CACNA2D3: variants seen among roughly 807,000 people sequenced by gnomAD.
CACNA2D3 encodes the protein voltage-dependent calcium channel subunit alpha-2/delta-3.
Under a neutral mutation model 160.6 loss-of-function variants are expected in CACNA2D3, and 60 were observed. The ratio of observed to expected loss-of-function variants is 0.37; its 90% confidence interval spans 0.30 to 0.46. The LOEUF (loss-of-function observed/expected upper bound fraction) is 0.46. CACNA2D3 is among the 20% of genes least tolerant of loss of function. The pLI is 1.00. For synonymous variants in CACNA2D3, 558 were observed against 492.9 expected, an observed-to-expected ratio of 1.13 and a Z score of -1.75; for missense variants, 1,205 against 1,365.0, an observed-to-expected ratio of 0.88 and a Z score of 1.85.
At chr3:54,397,417 A>G in intron 4 of CACNA2D3, among the ~76,000 whole-genome samples, 1 of 51,054 alleles carries the variant, frequency 2.0e-5, no homozygotes, top group Admixed American at 2.4e-4. Flanking sequence ...TTAGGGTGTC[A>G]ATTTTGGATC....
At chr3:54,862,394 C>CAG (rs1699310262) in intron 17 of CACNA2D3, among the ~76,000 whole-genome samples, 1 of 151,974 alleles carries the variant, frequency 6.6e-6, no homozygotes, top group African/African-American at 2.4e-5. Flanking sequence ...CACACACACA[C>CAG]ACACACACAC....
At chr3:54,327,354 G>A (rs1215148188) in intron 3 of CACNA2D3, among the ~76,000 whole-genome samples, 1 of 152,208 alleles carries the variant, frequency 6.6e-6, no homozygotes, top group African/African-American at 2.4e-5. Flanking sequence ...CAAGCTCTCA[G>A]TTTTCCATCA....
rs1273229771 is a variant in CACNA2D3 at position 54,955,290 on chromosome 3, A to G, written c.2450-13160A>G. On this transcript the variant is annotated intron_variant, in intron 27 of 37. Coordinates refer to ENST00000474759, the MANE Select transcript of CACNA2D3 (RefSeq NM_018398.3). ...AGGGACAAAGGTTGTCTTATTATGC[A>G]GATAATGTCCCGCAGGTAATCTCTT... is the stretch of plus-strand genomic sequence containing the variant. Among the ~76,000 whole-genome samples the G allele has an allele frequency of 4.6e-5, 7 of 152,248 alleles. No individual in the cohort carries two copies. In the South Asian group the frequency reaches 1.5e-3, roughly 32 times the overall value.
chr3:54,690,059 G>T (rs1700545200), intron 11 of CACNA2D3, among the ~76,000 whole-genome samples: 1 of 151,878 alleles, frequency 6.6e-6, no homozygotes, highest in Non-Finnish European at 1.5e-5. Flanking sequence ...TGTATCATCT[G>T]CTTGGGACAT....
At chr3:54,734,607 T>C (rs1477934249) in intron 11 of CACNA2D3, among the ~76,000 whole-genome samples, 1 of 152,182 alleles carries the variant, frequency 6.6e-6, no homozygotes, top group Non-Finnish European at 1.5e-5. Flanking sequence ...GTTGTTTCAT[T>C]TGGGGATGCT....
At chr3:55,073,387 CATGGCTCTTTAATTGACGGATGGTAA>C in intron 35 of CACNA2D3, 32 bp from the exon 36 acceptor site, 1 of 1,333,224 alleles carries the variant, frequency 7.5e-7, no homozygotes, top group Non-Finnish European at 1.1e-6. Flanking sequence ...AAGTCTTCCT[CATGGCTCTTTAATTGACGGATGGTAA>C]ATGACTGCCT....
intron 11 of CACNA2D3, among the ~76,000 whole-genome samples, chr3:54,664,091 C>T (rs1333759223): frequency 6.6e-6 from 1 of 152,254 alleles, no homozygotes; most frequent in African/African-American, 2.4e-5. Flanking sequence ...CTGTGCTGAG[C>T]CGAATCGGCG....
intron 2 of CACNA2D3, among the ~76,000 whole-genome samples, chr3:54,289,473 C>T (rs1340704373): frequency 1.3e-5 from 2 of 151,940 alleles, no homozygotes; most frequent in Non-Finnish European, 2.9e-5. Context: ...GTGAAAATGG[C>T]CATACTGCCC....
chr3:54,341,785 T>C (rs1200914775), intron 3 of CACNA2D3, among the ~76,000 whole-genome samples: 2 of 152,208 alleles, frequency 1.3e-5, no homozygotes, highest in Non-Finnish European at 2.9e-5. Flanking sequence ...CTCCAGAGTG[T>C]ATGTAACTAA....
intron 4 of CACNA2D3, among the ~76,000 whole-genome samples, chr3:54,417,536 T>C (rs1331891641): frequency 1.5e-5 from 2 of 135,786 alleles, no homozygotes; most frequent in African/African-American, 5.7e-5. Flanking sequence ...TTCTGCAGGT[T>C]GTATGCTCAT....
intron 3 of CACNA2D3, among the ~76,000 whole-genome samples, chr3:54,329,943 CAG>C (rs1475351251): frequency 6.6e-6 from 1 of 152,044 alleles, no homozygotes; most frequent in Admixed American, 6.5e-5. Flanking sequence ...GTCCTGCAAA[CAG>C]AGTGAGATTA....
At chr3:54,931,019 C>T (rs1701174873) in intron 27 of CACNA2D3, among the ~76,000 whole-genome samples, 1 of 152,156 alleles carries the variant, frequency 6.6e-6, no homozygotes, top group Non-Finnish European at 1.5e-5. Context: ...TCGCTTGAAC[C>T]CAGGAGGCAG....
At chr3:54,442,628 A>G (rs1398726730) in intron 4 of CACNA2D3, among the ~76,000 whole-genome samples, 2 of 152,230 alleles carry the variant, frequency 1.3e-5, no homozygotes, top group Non-Finnish European at 2.9e-5. Context: ...ATGGGCTGAT[A>G]TTCATGTAGC....
In CACNA2D3 at chr3:54,926,162, A is replaced by G. The variant is rs114448351; in HGVS notation, c.2449+26294A>G. On this transcript the variant is annotated intron_variant, in intron 27 of 37. Coordinates refer to ENST00000474759, the MANE Select transcript of CACNA2D3 (RefSeq NM_018398.3). ...CTGATGTATCCCTCCAGACATTTTA[A>G]AAACAATCATTAGTAATGACAAAAA... Among the ~76,000 whole-genome samples the G allele has an allele frequency of 2.8e-3, 425 of 152,300 alleles. 2 individuals carry two copies. The highest frequency in any genetic ancestry group is 9.8e-3 in the African/African-American group (409 of 41,560).
chr3:54,131,636 G>A (rs745590150), intron 2 of CACNA2D3, among the ~76,000 whole-genome samples: 31 of 152,132 alleles, frequency 2.0e-4, no homozygotes, highest in Non-Finnish European at 3.5e-4. Flanking sequence ...AGAGAGACTT[G>A]GAATTTTTGT....
intron 25 of CACNA2D3, among the ~76,000 whole-genome samples, chr3:54,895,883 T>C (rs1295256789): frequency 6.6e-6 from 1 of 152,206 alleles, no homozygotes; most frequent in Non-Finnish European, 1.5e-5. Flanking sequence ...CTTAAGGCTC[T>C]GTGAAGAGTG....
chr3:54,622,617 C>G (rs1383806734), intron 9 of CACNA2D3, among the ~76,000 whole-genome samples: 1 of 151,480 alleles, frequency 6.6e-6, no homozygotes. Flanking sequence ...TTCATAGGGC[C>G]TGTATACCAA....
At chr3:54,141,084 T>TGTGTGTGTGTGTGTGTGCGC (rs1553731306) in intron 2 of CACNA2D3, among the ~76,000 whole-genome samples, 1 of 112,380 alleles carries the variant, frequency 8.9e-6, no homozygotes, top group African/African-American at 3.7e-5. Context: ...TGTGTGTGTG[T>TGTGTGTGTGTGTGTGTGCGC]GTGCGCGCGC....
intron 11 of CACNA2D3, among the ~76,000 whole-genome samples, chr3:54,696,337 A>G (rs1377239524): frequency 4.6e-5 from 7 of 152,148 alleles, no homozygotes. Flanking sequence ...ATGGCAGGGC[A>G]GGAGGAGTCT....
Sources: allele counts gnomAD v4.1 joint callset (sites outside exome capture counted in the v4.1 genomes callset), GRCh38; gene constraint gnomAD v4.1.1; transcripts MANE v1.5; gene names NCBI Gene and HGNC (gene_info 2026-07-23, HGNC 2026-07-21).